Variants in ERICH3 observed in about 807,000 individuals in gnomAD.
ERICH3 encodes the protein glutamate rich 3.
ERICH3 carries 126 observed loss-of-function variants against 131.1 expected under a neutral mutation model. The observed-to-expected ratio is 0.96, with a 90% CI of 0.83 to 1.11. The LOEUF is 1.11. ERICH3 is among the 50% of genes most tolerant of loss of function. ERICH3 has a pLI of 0.00. For synonymous variants in ERICH3, 695 were observed against 644.6 expected, an observed-to-expected ratio of 1.08 and a Z score of -1.18; for missense variants, 2,050 against 1,810.7, an observed-to-expected ratio of 1.13 and a Z score of -2.40.
In ERICH3 at chr1:74,569,820, G is replaced by T. The variant is rs1384414064; in HGVS notation, c.*638C>A. The T allele has an allele frequency of 2.0e-5, 3 of 152,252 alleles. No homozygotes were observed. In the East Asian group the frequency reaches 5.8e-4, roughly 29 times the overall value. The allele number at this position is 152,252 out of a possible 1,614,324, so 9.4% of individuals were successfully genotyped here. A position where few individuals can be genotyped will look rare whatever the true frequency, so the allele number is the denominator to read the frequency against. Reference sequence around the variant, plus strand: ...AAAAACAAAGAGCATTTTGAAATAAGATTTCCACTTTGTTATTCTGGCATA... The same window carrying T: ...AAAAACAAAGAGCATTTTGAAATAATATTTCCACTTTGTTATTCTGGCATA... On this transcript the variant is annotated 3_prime_UTR_variant, in exon 15 of 15. Transcript: ENST00000326665.
intron 9 of ERICH3, among the ~76,000 whole-genome samples, chr1:74,609,533 T>G (rs772259942): frequency 6.6e-6 from 1 of 152,018 alleles, no homozygotes; most frequent in Non-Finnish European, 1.5e-5. Context: ...TGCAGTGTTA[T>G]GGTCTCTAGA....
In ERICH3 at chr1:74,636,416, G is replaced by A. The variant is rs1444646337; in HGVS notation, c.467C>T (p.Ala156Val). Reference protein sequence around the residue: ...LALTAPRPYTAPGNMQPPIRL... With the variant: ...LALTAPRPYTVPGNMQPPIRL... ...AATTGGAGGCTGCATATTTCCTGGA[G>A]CAGTATATGGTCGAGGGGCTGTCTA... Residue 156 changes from alanine (A) to valine (V), a missense_variant, in exon 6 of 15, where the codon GCT (alanine) becomes GTT (valine). Transcript: ENST00000326665. 4 of 1,612,546 alleles carry A rather than the reference G, an allele frequency of 2.5e-6. No individual in the cohort carries two copies. In the African/African-American group the frequency reaches 4.0e-5, roughly 16 times the overall value.
chr1:74,668,719 A>T (rs1252636765), intron 1 of ERICH3, among the ~76,000 whole-genome samples: 1 of 152,194 alleles, frequency 6.6e-6, no homozygotes, highest in Non-Finnish European at 1.5e-5. Context: ...AGAATCTATA[A>T]CATGAAATGC....
chr1:74,661,768 G>A (rs1007062224), intron 1 of ERICH3, among the ~76,000 whole-genome samples: 17 of 152,198 alleles, frequency 1.1e-4, no homozygotes, highest in African/African-American at 3.4e-4. Flanking sequence ...TATTAGCCCC[G>A]TATTTTTGAA....
intron 2 of ERICH3, 44 bp downstream of exon 2, chr1:74,649,178 C>G (rs1646510625): frequency 3.6e-6 from 5 of 1,375,454 alleles, no homozygotes; most frequent in Non-Finnish European, 5.1e-6. Flanking sequence ...AATTATTGGA[C>G]TTAATGAAAC....
At chr1:74,639,076 A>T (rs1026653302) in intron 5 of ERICH3, among the ~76,000 whole-genome samples, 1 of 152,186 alleles carries the variant, frequency 6.6e-6, no homozygotes, top group African/African-American at 2.4e-5. Context: ...AACAAAAAAT[A>T]AGCCTATATG....
Position 74,572,983 on chromosome 1 carries a change from T to C in ERICH3, c.2727A>G (p.Ala909=). The change falls in exon 14 of 15, where the codon GCA becomes GCG. Residue 909 remains alanine (A), a synonymous_variant. Coordinates refer to ENST00000326665, the MANE Select transcript of ERICH3 (RefSeq NM_001002912.5). ...CATGAAGATGCTCCAAGTTCAGGGC[T>C]GCTGCTTCATTTGCAAGCACTGCCT... ...LEKAVLANEA[A]ALNLEHLHEV... The C allele has an allele frequency of 6.2e-7, 1 of 1,614,184 alleles. No individual in the cohort carries two copies. Among genetic ancestry groups the C allele is most frequent in the Non-Finnish European group, 8.5e-7 (1 of 1,180,028 alleles).
At chr1:74,666,794 C>T (rs1345515432) in intron 1 of ERICH3, among the ~76,000 whole-genome samples, 3 of 152,262 alleles carry the variant, frequency 2.0e-5, no homozygotes, top group South Asian at 2.1e-4. Context: ...AAAATCTATC[C>T]TTGAAAATCA....
intron 10 of ERICH3, among the ~76,000 whole-genome samples, chr1:74,602,122 G>A (rs748125656): frequency 1.3e-5 from 2 of 151,790 alleles, no homozygotes; most frequent in Non-Finnish European, 2.9e-5. Flanking sequence ...CCACAATTAG[G>A]ACACAATTAC....
chr1:74,633,424 CAA>C (rs1216888340), intron 6 of ERICH3, among the ~76,000 whole-genome samples: 2 of 151,694 alleles, frequency 1.3e-5, no homozygotes, highest in Non-Finnish European at 3.0e-5. Context: ...AAAATAATGA[CAA>C]GAAAATCAAT....
chr1:74,643,569 A>T (rs938327332), intron 3 of ERICH3, among the ~76,000 whole-genome samples: 10 of 152,178 alleles, frequency 6.6e-5, no homozygotes, highest in African/African-American at 2.4e-4. Context: ...GACAATGCAC[A>T]TAATGCAGGA....
intron 5 of ERICH3, among the ~76,000 whole-genome samples, chr1:74,637,674 C>G (rs953067496): frequency 2.0e-5 from 3 of 152,116 alleles, no homozygotes; most frequent in Admixed American, 6.5e-5. Context: ...AATCCCAACA[C>G]TTTGGGAGGC....
chr1:74,576,989 G>C, intron 12 of ERICH3, 53 bp from the exon 13 acceptor site: 1 of 1,498,220 alleles, frequency 6.7e-7, no homozygotes, highest in South Asian at 1.2e-5. Context: ...ACTGTGAAAT[G>C]TACCATGGTT....
intron 1 of ERICH3, among the ~76,000 whole-genome samples, chr1:74,658,458 T>A (rs769708262): frequency 2.0e-5 from 3 of 152,130 alleles, no homozygotes; most frequent in Non-Finnish European, 2.9e-5. Context: ...ATCAGAGAAC[T>A]CTGTAGTAAG....
At chr1:74,657,820 C>G (rs555316552) in intron 1 of ERICH3, among the ~76,000 whole-genome samples, 55 of 151,992 alleles carry the variant, frequency 3.6e-4, no homozygotes, top group African/African-American at 1.3e-3. Context: ...CTTTCATATA[C>G]CATGAATTCT....
At chr1:74,598,821 T>G (rs1013002893) in intron 11 of ERICH3, among the ~76,000 whole-genome samples, 3 of 151,894 alleles carry the variant, frequency 2.0e-5, no homozygotes, top group African/African-American at 7.2e-5. Flanking sequence ...ATGTGAATTA[T>G]ATGACCCTTT....
intron 1 of ERICH3, among the ~76,000 whole-genome samples, chr1:74,663,622 TAAAAAAA>T (rs75939047): frequency 3.0e-5 from 4 of 131,888 alleles, no homozygotes; most frequent in Admixed American, 7.7e-5. Context: ...TGATTTTTGT[TAAAAAAA>T]AAAAAAAAAA....
intron 3 of ERICH3, among the ~76,000 whole-genome samples, chr1:74,644,126 A>G (rs1407654407): frequency 6.6e-6 from 1 of 152,040 alleles, no homozygotes; most frequent in Non-Finnish European, 1.5e-5. Context: ...CTTTGAAAAA[A>G]TGTTTCCCCT....
intron 12 of ERICH3, chr1:74,578,061 G>C (rs1647101513): frequency 6.6e-6 from 1 of 152,238 alleles, no homozygotes; most frequent in African/African-American, 2.4e-5. Flanking sequence ...TACTAGCATA[G>C]ACTTCAGGAT....
Sources: allele counts gnomAD v4.1 joint callset (sites outside exome capture counted in the v4.1 genomes callset), GRCh38; gene constraint gnomAD v4.1.1; transcripts MANE v1.5; gene names NCBI Gene and HGNC (gene_info 2026-07-23, HGNC 2026-07-21).